The following CAMLG variants were observed in gnomAD, a reference collection of about 807,000 sequenced individuals.
The protein encoded by CAMLG is guided entry of tail-anchored proteins factor CAMLG.
A neutral mutation model predicts 28.9 loss-of-function variants in CAMLG; 23 were observed. The ratio of observed to expected loss-of-function variants is 0.80; its 90% confidence interval spans 0.57 to 1.13. The LOEUF is 1.13. CAMLG is among the 50% of genes most tolerant of loss of function. CAMLG has a pLI of 0.00. For missense variants in CAMLG, 367 were observed against 371.9 expected (o/e 0.99, Z 0.11); for synonymous variants, 141 against 146.5 (o/e 0.96, Z 0.27).
chr5:134,743,952 T>C, intron 2 of CAMLG, 35 bp from the exon 3 acceptor site: 1 of 940,772 alleles, frequency 1.1e-6, no homozygotes, highest in South Asian at 1.5e-5. Flanking sequence ...AATGATTATG[T>C]TGGAAATATT....
intron 1 of CAMLG, among the ~76,000 whole-genome samples, chr5:134,739,574 A>G (rs1359910532): frequency 6.6e-6 from 1 of 152,300 alleles, no homozygotes; most frequent in East Asian, 1.9e-4. Flanking sequence ...CGTGAGTATA[A>G]TTGAGCAATT....
intron 2 of CAMLG, among the ~76,000 whole-genome samples, chr5:134,742,949 A>G (rs911864236): frequency 6.6e-6 from 1 of 152,180 alleles, no homozygotes; most frequent in Non-Finnish European, 1.5e-5. Flanking sequence ...CGTGTTAGCC[A>G]GGATGGTCTC....
rs1329061284 is a variant in CAMLG, at chr5:134,738,720, A to G, written c.100A>G (p.Arg34Gly). ...ASQRRAELRR[R>G]KLLMNSEQRI... is the part of the protein sequence containing the mutation. Reference sequence around the variant, plus strand: ...CCAGCGTCGGGCGGAGCTGCGTCGGAGAAAGCTGCTCATGAACTCGGAACA... The same window carrying G: ...CCAGCGTCGGGCGGAGCTGCGTCGGGGAAAGCTGCTCATGAACTCGGAACA... The change falls in exon 1 of 4, where the codon AGA becomes GGA. Residue 34 changes from arginine (R) to glycine (G), a missense_variant. Transcript: ENST00000297156. 3 of 1,613,878 alleles carry G rather than the reference A, an allele frequency of 1.9e-6. No individual in the cohort carries two copies. Among genetic ancestry groups the G allele is most frequent in the East Asian group, 2.2e-5 (1 of 44,876 alleles).
chr5:134,738,615 G>C lies in CAMLG; in HGVS notation c.-6G>C. ...CTGCCACCCCTCCCAGACTGTGGAC[G>C]GGAGGATGGAGTCGATGGCCGTCGC... is the stretch of plus-strand genomic sequence containing the variant. On this transcript the variant is annotated 5_prime_UTR_variant, in exon 1 of 4. Transcript: ENST00000297156. The C allele has an allele frequency of 2.5e-6, 4 of 1,608,480 alleles. No homozygotes were observed. Among genetic ancestry groups the C allele is most frequent in the Non-Finnish European group, 2.5e-6 (3 of 1,177,940 alleles).
intron 3 of CAMLG, 98 bp from the exon 4 acceptor site, chr5:134,750,661 T>C: frequency 1.4e-6 from 1 of 724,652 alleles, no homozygotes. Flanking sequence ...AGTTTTTAAA[T>C]CATTTCGGTT....
chr5:134,741,537 T>C lies in CAMLG; in HGVS notation c.633+14T>C, dbSNP rs777237680. The C allele has an allele frequency of 6.6e-7, 1 of 1,506,168 alleles. No homozygotes were observed. The highest frequency in any genetic ancestry group is 9.1e-7 in the Non-Finnish European group (1 of 1,097,196). 93.3% of individuals were successfully genotyped at this position (1,506,168 alleles called of 1,614,324 possible). ...TGCAAATACTTGGTAAGAAAAGATC[T>C]GTAAATTATTAACTAACTTAATGGA... is the stretch of plus-strand genomic sequence containing the variant. On this transcript the variant is annotated intron_variant, in intron 2 of 3. Coordinates refer to ENST00000297156, the MANE Select transcript of CAMLG (RefSeq NM_001745.4).
rs1435313231 is a variant in CAMLG at position 134,738,719 on chromosome 5, G to C, written c.99G>C (p.Arg33=). 6.2e-6 allele frequency: 10 copies of C among 1,613,932 alleles called. No individual in the cohort carries two copies. The highest frequency in any genetic ancestry group is 8.5e-6 in the Non-Finnish European group (10 of 1,179,960). Residue 33 remains arginine (R), a synonymous_variant, in exon 1 of 4, where the codon CGG becomes CGC. Coordinates refer to ENST00000297156, the MANE Select transcript of CAMLG (RefSeq NM_001745.4). ...CCCAGCGTCGGGCGGAGCTGCGTCG[G>C]AGAAAGCTGCTCATGAACTCGGAAC... is the stretch of plus-strand genomic sequence containing the variant. The part of the protein sequence containing the change: ...SASQRRAELR[R]RKLLMNSEQR...
Position 134,741,134 on chromosome 5 carries a change from TCAAAGCGAGTAGTGCTGG to T in CAMLG, c.245_262del (p.Ser82_Gly88delinsCys), listed in dbSNP as rs775282101. 16 of 1,614,162 alleles carry T rather than the reference TCAAAGCGAGTAGTGCTGG, an allele frequency of 9.9e-6. No individual in the cohort carries two copies. Among genetic ancestry groups the T allele is most frequent in the Non-Finnish European group, 1.4e-5 (16 of 1,180,002 alleles). On this transcript the variant is annotated inframe_deletion, in exon 2 of 4. Coordinates refer to ENST00000297156, the MANE Select transcript of CAMLG (RefSeq NM_001745.4). ...GAACTCCCTCAGCGTTCCTTCCGTT[TCAAAGCGAGTAGTGCTGG>T]GTGATTCAGTCAGTACAGGAACAAC...
intron 3 of CAMLG, among the ~76,000 whole-genome samples, chr5:134,745,300 G>T (rs559930800): frequency 8.6e-5 from 13 of 152,000 alleles, no homozygotes; most frequent in African/African-American, 3.1e-4. Context: ...GCCGGGCGTG[G>T]TGGCAGGCAC....
In CAMLG at chr5:134,742,120, GT is replaced by G. The variant is rs535830073; in HGVS notation, c.633+601del. ...GTGAGTAGGTTATATTTACTGTGCC[GT>G]TTTACATAAGGGACTTGAGCATCTA... On this transcript the variant is annotated intron_variant, in intron 2 of 3. Transcript: ENST00000297156. Among the ~76,000 whole-genome samples, 7 of 152,250 alleles carry G rather than the reference GT, an allele frequency of 4.6e-5. No homozygotes were observed. The South Asian group carries it at 1.5e-3, about 32-fold the overall frequency.
chr5:134,749,111 A>G (rs1580757818), intron 3 of CAMLG, among the ~76,000 whole-genome samples: 1 of 149,990 alleles, frequency 6.7e-6, no homozygotes, highest in Non-Finnish European at 1.5e-5. Context: ...TCTGTCACCC[A>G]GGCTGGAGTG....
Position 134,741,476 on chromosome 5 carries a change from T to C in CAMLG, c.586T>C (p.Cys196Arg). 6.2e-7 allele frequency: 1 copy of C among 1,614,000 alleles called. No individual in the cohort carries two copies. Among genetic ancestry groups the C allele is most frequent in the Non-Finnish European group, 8.5e-7 (1 of 1,179,828 alleles). The change falls in exon 2 of 4, where the codon TGT becomes CGT. Residue 196 changes from cysteine to arginine, a missense_variant. Cys to Arg is a radical substitution (Grantham distance 180). Transcript: ENST00000297156. ...DSFRIFRLVG[C>R]ALLALGVRAF... ...TTTTCGAATATTTAGATTGGTGGGA[T>C]GTGCTCTTCTTGCTCTTGGAGTCAG... is the stretch of plus-strand genomic sequence containing the variant.
chr5:134,744,139 T>C (rs1433810438), intron 3 of CAMLG, 87 bp downstream of exon 3: 3 of 670,764 alleles, frequency 4.5e-6, no homozygotes, highest in South Asian at 1.7e-5. Context: ...ATGTTAGTCC[T>C]GCTTACGGTC....
chr5:134,738,585 C>G lies in CAMLG; in HGVS notation c.-36C>G, dbSNP rs752511826. 1.2e-5 allele frequency: 18 copies of G among 1,542,376 alleles called. No homozygotes were observed. The highest frequency in any genetic ancestry group is 1.6e-5 in the Non-Finnish European group (18 of 1,144,838). On this transcript the variant is annotated 5_prime_UTR_variant, in exon 1 of 4. Coordinates refer to ENST00000297156, the MANE Select transcript of CAMLG (RefSeq NM_001745.4). ...CCCTCGCAGCGGCGGCCAACATCAC[C>G]GCCACTGCCACCCCTCCCAGACTGT... is the stretch of plus-strand genomic sequence containing the variant.
intron 1 of CAMLG, among the ~76,000 whole-genome samples, chr5:134,739,257 C>T (rs891305974): frequency 1.1e-4 from 17 of 152,192 alleles, no homozygotes; most frequent in South Asian, 2.1e-4. Context: ...CCGCCCACAT[C>T]AGCCTGTCTT....
At chr5:134,745,490 C>T (rs1027479804) in intron 3 of CAMLG, among the ~76,000 whole-genome samples, 22 of 150,746 alleles carry the variant, frequency 1.5e-4, no homozygotes, top group African/African-American at 4.9e-4. Flanking sequence ...CCGTGGCTCA[C>T]GCCCTAATCC....
intron 1 of CAMLG, among the ~76,000 whole-genome samples, chr5:134,739,824 C>G (rs1480793828): frequency 6.6e-6 from 1 of 152,068 alleles, no homozygotes. Flanking sequence ...ATGATCTTAC[C>G]TGAGGTACTT....
chr5:134,744,108 G>T, intron 3 of CAMLG, 56 bp downstream of exon 3: 1 of 780,892 alleles, frequency 1.3e-6, no homozygotes, highest in Non-Finnish European at 2.2e-6. Flanking sequence ...TTTATGACTA[G>T]CTAATTGAAG....
At position 134,751,126 on chromosome 5, in the gene CAMLG, GTT is replaced by G; in HGVS notation, c.*178_*179del. The stretch of plus-strand genomic sequence containing the variant: ...AGATTCTCTGATTTAAAAGGGCTGA[GTT>G]TGTATTATTACTGATATGAAGAATA... On this transcript the variant is annotated 3_prime_UTR_variant, in exon 4 of 4. Transcript: ENST00000297156. 1 of 534,818 alleles carries G rather than the reference GTT, an allele frequency of 1.9e-6. No individual in the cohort carries two copies. Among genetic ancestry groups the G allele is most frequent in the Non-Finnish European group, 3.3e-6 (1 of 302,444 alleles). 33.1% of individuals were successfully genotyped at this position (534,818 alleles called of 1,614,324 possible).
Sources: gnomAD v4.1 joint callset for allele counts (sites outside exome capture counted in the v4.1 genomes callset) on GRCh38, gnomAD v4.1.1 for gene constraint, MANE v1.5 for transcripts, NCBI Gene and HGNC (gene_info 2026-07-23, HGNC 2026-07-21) for gene names.